The following TMEM94 variants were observed in gnomAD, a reference collection of about 807,000 sequenced individuals.
TMEM94 encodes the protein ER Mg2+ ATPase.
A neutral mutation model predicts 158.6 loss-of-function variants in TMEM94; 81 were observed. The ratio of observed to expected loss-of-function variants is 0.51; its 90% confidence interval spans 0.43 to 0.61. The LOEUF (loss-of-function observed/expected upper bound fraction) is 0.61, where lower values mean the gene tolerates loss of function less well. Among genes scored for constraint, TMEM94 ranks in the 20% least tolerant of loss-of-function variants. The probability of loss-of-function intolerance (pLI) is 0.00; values close to 1 mark genes in which losing one functional copy is unlikely to be tolerated. For missense variants in TMEM94, 1,435 were observed against 1,762.0 expected, an observed-to-expected ratio of 0.81 and a Z score of 3.32; for synonymous variants, 751 against 730.7, an observed-to-expected ratio of 1.03 and a Z score of -0.45.
At position 75,491,389 on chromosome 17, in the gene TMEM94, G is replaced by T. The variant is rs1489529666; in HGVS notation, c.1320G>T (p.Glu440Asp). The T allele has an allele frequency of 6.2e-7, 1 of 1,614,074 alleles. No individual in the cohort carries two copies. The highest frequency in any genetic ancestry group is 1.1e-5 in the South Asian group (1 of 91,086). ...ETVLFFSGKV[E>D]PPHSSHEDLT... ...TACTGTTCTTCAGCGGGAAGGTGGA[G>T]CCCCCTCACAGCAGCCATGAGGACC... The change falls in exon 13 of 32, where the codon GAG (glutamate) becomes GAT (aspartate). Residue 440 changes from glutamate to aspartate, a missense_variant. By Grantham distance (45) the Glu-to-Asp change is conservative (BLOSUM62 2). Coordinates refer to ENST00000314256, the MANE Select transcript of TMEM94 (RefSeq NM_014738.6). The surrounding 1 kb of genome is among the most constrained non-coding windows in gnomAD (Gnocchi z 5.1).
At chr17:75,460,969 C>T (rs1265961467) in intron 1 of TMEM94, among the ~76,000 whole-genome samples, 1 of 151,984 alleles carries the variant, frequency 6.6e-6, no homozygotes, top group Non-Finnish European at 1.5e-5. Flanking sequence ...AAACATTTAA[C>T]TCCCCATTTC....
chr17:75,464,000 G>T (rs1419471308), intron 1 of TMEM94, among the ~76,000 whole-genome samples: 1 of 152,186 alleles, frequency 6.6e-6, no homozygotes, highest in East Asian at 1.9e-4. Context: ...TGTTGGGCAT[G>T]GCTGGCTTAC....
intron 10 of TMEM94, 84 bp from the exon 11 acceptor site, chr17:75,490,618 G>A (rs183161174): frequency 5.1e-5 from 66 of 1,289,078 alleles, no homozygotes; most frequent in Non-Finnish European, 2.6e-5. Context: ...CCCCGCTGGT[G>A]TGGGCCCCCC....
At chr17:75,462,095 C>T (rs546623047) in intron 1 of TMEM94, among the ~76,000 whole-genome samples, 1 of 143,914 alleles carries the variant, frequency 6.9e-6, no homozygotes, top group South Asian at 2.3e-4. Context: ...ACTGCAACCT[C>T]TGCCTCCTGG....
chr17:75,490,439 C>T, intron 10 of TMEM94, 89 bp downstream of exon 10: 1 of 1,446,020 alleles, frequency 6.9e-7, no homozygotes, highest in Non-Finnish European at 9.4e-7. Flanking sequence ...AGTCCAGCCC[C>T]ACCTTGGGCT....
At chr17:75,482,385 G>A (rs542631004) in intron 2 of TMEM94, among the ~76,000 whole-genome samples, 1 of 151,952 alleles carries the variant, frequency 6.6e-6, no homozygotes, top group South Asian at 2.1e-4. Flanking sequence ...TTAGCTGAGT[G>A]TAGTCCCAGC....
At chr17:75,479,232 C>T (rs1201854608) in intron 2 of TMEM94, among the ~76,000 whole-genome samples, 3 of 152,052 alleles carry the variant, frequency 2.0e-5, no homozygotes, top group Non-Finnish European at 2.9e-5. Context: ...CTATGGGAGG[C>T]GGGAGGATTG....
rs1210929819 is a variant in TMEM94, at chr17:75,463,093, C to T, written c.-107+6342C>T. 6.6e-3 allele frequency among the ~76,000 whole-genome samples: 57 copies of T among 8,598 alleles called. 3 individuals carry two copies. The highest frequency in any genetic ancestry group is 0.062 in the African/African-American group (32 of 518). The allele number at this position is 8,598 out of a possible 152,430, so 5.6% of individuals were successfully genotyped here. A position where few individuals can be genotyped will look rare whatever the true frequency, so the allele number is the denominator to read the frequency against. ...ATATATATATATACACACACACACA[C>T]ATATATATGTGTGTATATATATGTA... On this transcript the variant is annotated intron_variant, in intron 1 of 31. Transcript: ENST00000314256.
Position 75,487,632 on chromosome 17 carries a change from T to C in TMEM94, c.410-300T>C, listed in dbSNP as rs989304610. 1.3e-5 allele frequency among the ~76,000 whole-genome samples: 2 copies of C among 152,182 alleles called. No homozygotes were observed. Reference sequence around the variant, plus strand: ...AGGAGCTATGTTGTTGTCTCCACCTTGCACCCCTCACAGGCCCTCTGCAAT... The same window carrying C: ...AGGAGCTATGTTGTTGTCTCCACCTCGCACCCCTCACAGGCCCTCTGCAAT... On this transcript the variant is annotated intron_variant, in intron 5 of 31. Coordinates refer to ENST00000314256, the MANE Select transcript of TMEM94 (RefSeq NM_014738.6). This position sits in a 1 kb window ranked among gnomAD's most constrained non-coding sequence, Gnocchi z 4.6.
At chr17:75,466,589 G>C (rs997319404) in intron 1 of TMEM94, among the ~76,000 whole-genome samples, 3 of 152,130 alleles carry the variant, frequency 2.0e-5, no homozygotes, top group Admixed American at 2.0e-4. Context: ...GCCGAGGCAG[G>C]TGGGATCACC....
In TMEM94 at chr17:75,491,904, A is replaced by G. The variant is rs1418742832; in HGVS notation, c.1596+4A>G. On this transcript the variant is annotated splice_donor_region_variant and intron_variant, in intron 14 of 31. Coordinates refer to ENST00000314256, the MANE Select transcript of TMEM94 (RefSeq NM_014738.6). This position sits in a 1 kb window ranked among gnomAD's most constrained non-coding sequence, Gnocchi z 5.1. ...TGGTGAAGAAGAGCCCAGCAAGGTG[A>G]CGGGAGGGGGTGGCACGGGGCAGCC... 6.2e-7 allele frequency: 1 copy of G among 1,608,062 alleles called. No individual in the cohort carries two copies. The highest frequency in any genetic ancestry group is 1.1e-5 in the South Asian group (1 of 90,444).
At chr17:75,490,091 AAG>A in intron 9 of TMEM94, 141 bp from the exon 10 acceptor site, 14 of 1,239,368 alleles carry the variant, frequency 1.1e-5, no homozygotes, top group Admixed American at 5.0e-5. Context: ...AAAAAAAAAA[AAG>A]AACACCTCTT....
intron 2 of TMEM94, among the ~76,000 whole-genome samples, chr17:75,477,773 G>A (rs2050788893): frequency 6.6e-6 from 1 of 151,648 alleles, no homozygotes; most frequent in African/African-American, 2.4e-5. Flanking sequence ...CACTTTGGGA[G>A]GCTGAGGCGA....
chr17:75,488,191 G>T (rs1387861671), intron 6 of TMEM94, 57 bp downstream of exon 6: 2 of 1,546,822 alleles, frequency 1.3e-6, no homozygotes, highest in South Asian at 2.2e-5. Context: ...CACAGGCAAC[G>T]ATGGGAGGGT....
chr17:75,486,434 C>G lies in TMEM94; in HGVS notation c.409+8C>G, dbSNP rs780101637. ...TCATTGACCAAATCCAAGGTGAGGTCAAGGGCAGGCATATTGGTGGGAAAA... is the reference window on the plus strand; with the variant it reads ...TCATTGACCAAATCCAAGGTGAGGTGAAGGGCAGGCATATTGGTGGGAAAA... On this transcript the variant is annotated splice_region_variant and intron_variant, in intron 5 of 31. Coordinates refer to ENST00000314256, the MANE Select transcript of TMEM94 (RefSeq NM_014738.6). The G allele has an allele frequency of 6.2e-7, 1 of 1,614,112 alleles. No individual in the cohort carries two copies. Among genetic ancestry groups the G allele is most frequent in the Non-Finnish European group, 8.5e-7 (1 of 1,180,016 alleles).
chr17:75,482,172 G>A (rs1014330503), intron 2 of TMEM94, among the ~76,000 whole-genome samples: 18 of 152,170 alleles, frequency 1.2e-4, no homozygotes, highest in African/African-American at 4.1e-4. Context: ...GTGAAACTCG[G>A]TCTCTACTAA....
chr17:75,498,283 G>A lies in TMEM94; in HGVS notation c.3598G>A (p.Asp1200Asn). 4 of 1,613,316 alleles carry A rather than the reference G, an allele frequency of 2.5e-6. No individual in the cohort carries two copies. Among genetic ancestry groups the A allele is most frequent in the Non-Finnish European group, 3.4e-6 (4 of 1,180,028 alleles). ...TLQSFCDSSR[D>N]RNLTNCSSVM... ...GCAGAGCTTCTGTGACAGCTCCCGG[G>A]ACCGCAACCTCACCAACTGCTCCTC... Residue 1200 changes from aspartate (D) to asparagine (N), a missense_variant, in exon 28 of 32, where the codon GAC becomes AAC. Around this residue, in one of 3 missense-constraint regions of TMEM94, gnomAD observed 335 missense variants for 409.1 expected, o/e 0.82. Coordinates refer to ENST00000314256, the MANE Select transcript of TMEM94 (RefSeq NM_014738.6). The surrounding 1 kb of genome is among the most constrained non-coding windows in gnomAD (Gnocchi z 6.7).
chr17:75,496,706 T>C (rs374871550), intron 24 of TMEM94, 24 bp from the exon 25 acceptor site: 87 of 1,611,576 alleles, frequency 5.4e-5, no homozygotes, highest in Non-Finnish European at 7.1e-5. Context: ...ACCCAGGCCA[T>C]AATCTGTCCC....
In TMEM94 at chr17:75,495,546, C is replaced by G. The variant is rs775916328; in HGVS notation, c.2847C>G (p.Ala949=). ...GCTGGCATCTCTGCTTTCTCCAGGCCAAGCTGCCCCGGGGTATCCACCAAG... is the reference window on the plus strand; with the variant it reads ...GCTGGCATCTCTGCTTTCTCCAGGCGAAGCTGCCCCGGGGTATCCACCAAG... ...IPSFLEDSNR[A]KLPRGIHQVR... The change falls in exon 22 of 32, where the codon GCC becomes GCG. Residue 949 remains alanine (A), a splice_region_variant and synonymous_variant. Coordinates refer to ENST00000314256, the MANE Select transcript of TMEM94 (RefSeq NM_014738.6). The surrounding 1 kb of genome is among the most constrained non-coding windows in gnomAD (Gnocchi z 5.6). 1 of 1,613,462 alleles carries G rather than the reference C, an allele frequency of 6.2e-7. No homozygotes were observed. Among genetic ancestry groups the G allele is most frequent in the Non-Finnish European group, 8.5e-7 (1 of 1,179,946 alleles).
Sources: gnomAD v4.1 joint callset for allele counts (sites outside exome capture counted in the v4.1 genomes callset) on GRCh38, gnomAD v4.1.1 for gene constraint, gnomAD v4.1.1 regional missense constraint, Gnocchi (gnomAD v3.1) non-coding constraint, MANE v1.5 for transcripts, NCBI Gene and HGNC (gene_info 2026-07-23, HGNC 2026-07-21) for gene names.